Variants in RUNX1 observed in about 807,000 individuals in gnomAD.
RUNX1 encodes RUNX family transcription factor 1.
Under a neutral mutation model 42.8 loss-of-function variants are expected in RUNX1, and 19 were observed. That is an observed-to-expected ratio of 0.44 (90% CI 0.31 to 0.65). The LOEUF (loss-of-function observed/expected upper bound fraction) is 0.65, where lower values mean the gene tolerates loss of function less well. Ranked by LOEUF, RUNX1 falls within the 30% of genes least tolerant of loss-of-function variation. The probability of loss-of-function intolerance (pLI) is 0.07; values close to 1 mark genes in which losing one functional copy is unlikely to be tolerated. For missense variants in RUNX1, 528 were observed against 672.0 expected (o/e 0.79, Z 2.37); for synonymous variants, 271 against 289.4 (o/e 0.94, Z 0.64).
chr21:35,028,926 G>T (rs2059254933), intron 2 of RUNX1, among the ~76,000 whole-genome samples: 1 of 152,210 alleles, frequency 6.6e-6, no homozygotes, highest in Admixed American at 6.5e-5. Context: ...CACAGAGGAA[G>T]TGGGAAAAAG....
intron 3 of RUNX1, chr21:34,889,926 C>A (rs2058059158): frequency 3.2e-6 from 3 of 931,522 alleles, no homozygotes; most frequent in East Asian, 1.0e-4. Context: ...CCCCGGATCC[C>A]GGCCCCGTTC....
Position 35,017,034 on chromosome 21 carries a change from G to A in RUNX1, c.58+31808C>T, listed in dbSNP as rs375860946. Among the ~76,000 whole-genome samples, 14 of 151,952 alleles carry A rather than the reference G, an allele frequency of 9.2e-5. No homozygotes were observed. In the East Asian group the frequency reaches 2.7e-3, roughly 30 times the overall value. ...TTAAATGGAAAAGAGGCAAAAATGGGAGGGGGTGGGAAGGAGTGGGTGGAG... is the reference window on the plus strand; with the variant it reads ...TTAAATGGAAAAGAGGCAAAAATGGAAGGGGGTGGGAAGGAGTGGGTGGAG... On this transcript the variant is annotated intron_variant, in intron 2 of 8. Coordinates refer to ENST00000675419, the MANE Select transcript of RUNX1 (RefSeq NM_001754.5).
chr21:34,846,553 TG>T (rs1555892227), intron 6 of RUNX1, among the ~76,000 whole-genome samples: 1 of 152,170 alleles, frequency 6.6e-6, no homozygotes, highest in Non-Finnish European at 1.5e-5. Flanking sequence ...CTTCTGTAGA[TG>T]AGGAATCTGA....
chr21:34,914,504 C>A, intron 2 of RUNX1, among the ~76,000 whole-genome samples: 1 of 152,120 alleles, frequency 6.6e-6, no homozygotes. Context: ...TTGACAGGGT[C>A]ATTTCACGGG....
intron 5 of RUNX1, among the ~76,000 whole-genome samples, chr21:34,873,469 G>A (rs1040397711): frequency 3.3e-5 from 5 of 152,214 alleles, no homozygotes; most frequent in Non-Finnish European, 7.3e-5. Context: ...TCTAAGTTGA[G>A]AAATAAACAG....
At chr21:34,931,072 T>C (rs988466722) in intron 2 of RUNX1, among the ~76,000 whole-genome samples, 3 of 152,094 alleles carry the variant, frequency 2.0e-5, no homozygotes, top group Admixed American at 2.0e-4. Flanking sequence ...TGTTGTCTAG[T>C]AGAAGGATTA....
chr21:34,921,068 A>G (rs1324588410), intron 2 of RUNX1, among the ~76,000 whole-genome samples: 1 of 152,202 alleles, frequency 6.6e-6, no homozygotes, highest in Admixed American at 6.5e-5. Context: ...CATGTTGGCC[A>G]GGCTGGTCTT....
intron 2 of RUNX1, among the ~76,000 whole-genome samples, chr21:34,988,327 G>A (rs1052409780): frequency 6.6e-6 from 1 of 152,148 alleles, no homozygotes; most frequent in Non-Finnish European, 1.5e-5. Flanking sequence ...CTGCACTTTC[G>A]AGGACACCAG....
intron 2 of RUNX1, among the ~76,000 whole-genome samples, chr21:35,008,797 G>T (rs2059104032): frequency 6.6e-6 from 1 of 152,140 alleles, no homozygotes; most frequent in South Asian, 2.1e-4. Flanking sequence ...ATTATGGAAT[G>T]ATCATTACAG....
intron 2 of RUNX1, among the ~76,000 whole-genome samples, chr21:34,933,733 G>A (rs188258045): frequency 3.9e-5 from 6 of 152,268 alleles, no homozygotes; most frequent in Admixed American, 2.6e-4. Flanking sequence ...CCCCGTTCAC[G>A]CACCACTCCA....
At chr21:34,887,735 TTACAA>T in intron 3 of RUNX1, 1 of 1,060,406 alleles carries the variant, frequency 9.4e-7, no homozygotes, top group Non-Finnish European at 1.1e-6. Context: ...CATAAAATAT[TTACAA>T]TACAATCTGT....
chr21:35,021,924 A>C (rs1224554252), intron 2 of RUNX1, among the ~76,000 whole-genome samples: 1 of 152,236 alleles, frequency 6.6e-6, no homozygotes, highest in African/African-American at 2.4e-5. Flanking sequence ...AGAAGCTCAG[A>C]GCTCTTCTCT....
At chr21:34,994,716 T>G (rs756932399) in intron 2 of RUNX1, among the ~76,000 whole-genome samples, 5 of 152,214 alleles carry the variant, frequency 3.3e-5, no homozygotes, top group Non-Finnish European at 5.9e-5. Flanking sequence ...ATCTATTATC[T>G]TCTTCTACTG....
intron 2 of RUNX1, among the ~76,000 whole-genome samples, chr21:34,945,831 G>A (rs75296070): frequency 0.073 from 11,057 of 152,076 alleles, 522 homozygotes; most frequent in Non-Finnish European, 0.11. Context: ...GTGAACTATC[G>A]AAGCTCTTTC....
intron 6 of RUNX1, among the ~76,000 whole-genome samples, chr21:34,847,073 T>C (rs1291054222): frequency 1.3e-5 from 2 of 152,206 alleles, no homozygotes; most frequent in African/African-American, 2.4e-5. Context: ...AACTCTTAGG[T>C]GCTCTGAGCC....
intron 2 of RUNX1, among the ~76,000 whole-genome samples, chr21:34,942,910 C>T (rs2146638740): frequency 6.6e-6 from 1 of 152,286 alleles, no homozygotes; most frequent in Non-Finnish European, 1.5e-5. Flanking sequence ...CCCTCTTTCT[C>T]CCCGGACCAG....
chr21:34,890,214 C>T (rs1163158247), intron 3 of RUNX1, among the ~76,000 whole-genome samples: 1 of 151,890 alleles, frequency 6.6e-6, no homozygotes, highest in Non-Finnish European at 1.5e-5. Flanking sequence ...CGCCAGGGGG[C>T]AGCAGCCGCC....
chr21:35,043,602 T>C (rs1164883484), intron 2 of RUNX1, among the ~76,000 whole-genome samples: 1 of 152,220 alleles, frequency 6.6e-6, no homozygotes, highest in Non-Finnish European at 1.5e-5. Context: ...TTCTGATGCA[T>C]GTAAAGACTT....
At chr21:35,047,561 A>ACTCTCTCT (rs55862184) in intron 2 of RUNX1, among the ~76,000 whole-genome samples, 49 of 46,806 alleles carry the variant, frequency 1.0e-3, no homozygotes, top group African/African-American at 3.7e-3. Flanking sequence ...ACACACACAC[A>ACTCTCTCT]CTCTCTCTCT....
Sources: allele counts gnomAD v4.1 joint callset (sites outside exome capture counted in the v4.1 genomes callset), GRCh38; gene constraint gnomAD v4.1.1; transcripts MANE v1.5; gene names NCBI Gene and HGNC (gene_info 2026-07-23, HGNC 2026-07-21).